RGS19: variants seen among roughly 807,000 people sequenced by gnomAD.
RGS19 encodes the protein regulator of G protein signaling 19, also known as G alpha interacting protein.
In RGS19, 9 loss-of-function variants were observed where a neutral mutation model predicts 22.0. The ratio of observed to expected loss-of-function variants is 0.41; its 90% CI spans 0.25 to 0.71. RGS19 has a LOEUF of 0.71. RGS19 is among the 30% of genes least tolerant of loss of function. The pLI is 0.32. For synonymous variants in RGS19, 130 were observed against 127.3 expected, an observed-to-expected ratio of 1.02 and a Z score of -0.14; for missense variants, 256 against 307.1, an observed-to-expected ratio of 0.83 and a Z score of 1.24.
At chr20:64,074,123 C>T (rs763626365) in intron 5 of RGS19, 21 bp downstream of exon 5, 1 of 1,608,204 alleles carries the variant, frequency 6.2e-7, no homozygotes, top group South Asian at 1.1e-5. Context: ...GGCCCCCGGC[C>T]TGTTCTGGTG....
At chr20:64,078,042 T>TC (rs1569263941) in intron 1 of RGS19, among the ~76,000 whole-genome samples, 1 of 152,040 alleles carries the variant, frequency 6.6e-6, no homozygotes, top group South Asian at 2.1e-4. Flanking sequence ...TCAATCTTCA[T>TC]CCCCCCGCCA....
At chr20:64,078,864 T>A (rs2059932661) in intron 1 of RGS19, among the ~76,000 whole-genome samples, 1 of 152,122 alleles carries the variant, frequency 6.6e-6, no homozygotes, top group Admixed American at 6.5e-5. Context: ...ATAGGCTGGA[T>A]AGGCGGCACG....
At chr20:64,077,060 G>A (rs2059911382) in intron 1 of RGS19, 106 bp from the exon 2 acceptor site, 1 of 582,250 alleles carries the variant, frequency 1.7e-6, no homozygotes, top group East Asian at 3.4e-5. Context: ...GCCTGCTCCT[G>A]CCTCTGGACC....
chr20:64,076,201 G>A (rs942437913), intron 3 of RGS19, among the ~76,000 whole-genome samples: 6 of 152,160 alleles, frequency 3.9e-5, no homozygotes, highest in African/African-American at 9.7e-5. Flanking sequence ...TTACTCCACC[G>A]CAGGCCCCCA....
At chr20:64,076,066 A>C (rs2059903060) in intron 3 of RGS19, among the ~76,000 whole-genome samples, 1 of 151,990 alleles carries the variant, frequency 6.6e-6, no homozygotes, top group South Asian at 2.1e-4. Flanking sequence ...TTTTTAGTAG[A>C]GACAGGGTTT....
rs2059900116 is a variant in RGS19 at position 64,075,758 on chromosome 20, G to A, written c.152+767C>T. On this transcript the variant is annotated intron_variant, in intron 3 of 5. Transcript: ENST00000395042. The surrounding 1 kb of genome is among the most constrained non-coding windows in gnomAD (Gnocchi z 4.6). ...CCGCCCCCTGCTCTTCTTCCCCCAC[G>A]CATGCTGTCCGGGAAGCTCTTGGCC... Among the ~76,000 whole-genome samples, 2 of 151,980 alleles carry A rather than the reference G, an allele frequency of 1.3e-5. No homozygotes were observed. The highest frequency in any genetic ancestry group is 2.9e-5 in the Non-Finnish European group (2 of 67,994).
Position 64,079,350 on chromosome 20 carries a change from C to T in RGS19, c.-125G>A, listed in dbSNP as rs2059938800. The T allele has an allele frequency of 6.6e-6, 1 of 152,220 alleles. No individual in the cohort carries two copies. The highest frequency in any genetic ancestry group is 1.9e-4 in the East Asian group (1 of 5,146). The allele number at this position is 152,220 out of a possible 1,614,324, so 9.4% of individuals were successfully genotyped here. On this transcript the variant is annotated 5_prime_UTR_variant, in exon 1 of 6. Transcript: ENST00000395042. The surrounding 1 kb of genome is among the most constrained non-coding windows in gnomAD (Gnocchi z 5.1). ...GGGCCAGGTTGGGTCTGGGCCCCAC[C>T]CTGGCTGCCGAAGGGGCGTGCACTG...
chr20:64,074,450 C>T lies in RGS19; in HGVS notation c.227+17G>A, dbSNP rs377283963. ...TGGGGCCCCCCCAGCACGCACACAC[C>T]AGCCGGCTGGACTCACCATACTTCA... is the stretch of plus-strand genomic sequence containing the variant. On this transcript the variant is annotated intron_variant, in intron 4 of 5. Transcript: ENST00000395042. 11 of 1,581,192 alleles carry T rather than the reference C, an allele frequency of 7.0e-6. No homozygotes were observed. The highest frequency in any genetic ancestry group is 8.6e-6 in the Non-Finnish European group (10 of 1,163,828).
In RGS19 at chr20:64,076,616, G is replaced by C. The variant is rs1178394774; in HGVS notation, c.61C>G (p.Pro21Ala). Residue 21 changes from proline to alanine, a missense_variant, in exon 3 of 6, where the codon CCT (proline) becomes GCT (alanine). Transcript: ENST00000395042. ...ITGPEEADRP[P>A]SMSSHDTASP... ...GCTGTATCATGACTGGACATTGAAG[G>C]GGGCCGGTCCGCCTCCTCTGGCCCT... 8.7e-6 allele frequency: 14 copies of C among 1,609,302 alleles called. No homozygotes were observed. Among genetic ancestry groups the C allele is most frequent in the Non-Finnish European group, 1.2e-5 (14 of 1,178,160 alleles).
In RGS19 at chr20:64,076,859, G is replaced by A. The variant is rs749086298; in HGVS notation, c.28C>T (p.Gln10Ter). Residue 10 changes from glutamine to a stop codon, truncating the protein, a stop_gained and splice_region_variant, in exon 2 of 6, where the codon CAG becomes TAG. Coordinates refer to ENST00000395042, the MANE Select transcript of RGS19 (RefSeq NM_005873.3). LOFTEE classifies it high-confidence loss of function. ...AGGCAGAGGGGGAGGTGGCATACCT[G>A]CTTCTCAGCCTCATGCGGGGTGGGC... Reference protein sequence around the residue: MPTPHEAEKQITGPEEADRP... With the variant: MPTPHEAEK The A allele has an allele frequency of 3.2e-6, 5 of 1,563,272 alleles. No homozygotes were observed. The highest frequency in any genetic ancestry group is 1.2e-5 in the South Asian group (1 of 84,040).
In RGS19 at chr20:64,073,968, G is replaced by A. The variant is rs377129073; in HGVS notation, c.539C>T (p.Ala180Val). Residue 180 changes from alanine (A) to valine (V), a missense_variant, in exon 6 of 6, where the codon GCG becomes GTG. Physicochemically the swap from Ala to Val is moderately conservative, Grantham distance 64 (BLOSUM62 0). Transcript: ENST00000395042. ...QEPSAHTFDD[A>V]QLQIYTLMHR... ...CATGAGCGTGTAGATCTGCAGCTGC[G>A]CGTCGTCGAACGTGTGTGCGGACGG... The A allele has an allele frequency of 3.1e-6, 5 of 1,605,264 alleles. No homozygotes were observed. Among genetic ancestry groups the A allele is most frequent in the African/African-American group, 1.3e-5 (1 of 74,450 alleles).
At position 64,075,474 on chromosome 20, in the gene RGS19, C is replaced by G. The variant is rs907876848; in HGVS notation, c.153-933G>C. Among the ~76,000 whole-genome samples, 7 of 152,230 alleles carry G rather than the reference C, an allele frequency of 4.6e-5. No homozygotes were observed. Among genetic ancestry groups the G allele is most frequent in the African/African-American group, 1.2e-4 (5 of 41,464 alleles). On this transcript the variant is annotated intron_variant, in intron 3 of 5. Coordinates refer to ENST00000395042, the MANE Select transcript of RGS19 (RefSeq NM_005873.3). This position sits in a 1 kb window ranked among gnomAD's most constrained non-coding sequence, Gnocchi z 4.6. ...GACATCGTGCACCCAAACGTCCTGACAGAACTAGGCCCCTGGGCTCCTCCC... is the reference window on the plus strand; with the variant it reads ...GACATCGTGCACCCAAACGTCCTGAGAGAACTAGGCCCCTGGGCTCCTCCC...
intron 3 of RGS19, 61 bp downstream of exon 3, chr20:64,076,464 G>A (rs1345765262): frequency 1.9e-6 from 3 of 1,599,782 alleles, no homozygotes; most frequent in Admixed American, 3.4e-5. Context: ...TCCCCTCCTG[G>A]GTCTGCTTGG....
At position 64,074,048 on chromosome 20, in the gene RGS19, C is replaced by T. The variant is rs1231022068; in HGVS notation, c.463-4G>A. On this transcript the variant is annotated splice_polypyrimidine_tract_variant and splice_region_variant and intron_variant, in intron 5 of 5. Transcript: ENST00000395042. ...GCACACGGGAGTCCAGGCTCACCTG[C>T]AGGACAAGACACTGAGGTCAGGGGG... 5 of 1,608,150 alleles carry T rather than the reference C, an allele frequency of 3.1e-6. No individual in the cohort carries two copies. Among genetic ancestry groups the T allele is most frequent in the Admixed American group, 3.3e-5 (2 of 59,818 alleles).
rs560044412 is a variant in RGS19, at chr20:64,074,581, C to G, written c.153-40G>C. On this transcript the variant is annotated intron_variant, in intron 3 of 5. Transcript: ENST00000395042. ...GAAGCAGCGCTGCCGTGGGCACACA[C>G]GCCTCCACGGCCACACAGGCCCTCA... The G allele has an allele frequency of 1.1e-5, 16 of 1,520,900 alleles. No homozygotes were observed. In the Admixed American group the frequency reaches 1.4e-4, roughly 13 times the overall value. 94.2% of individuals were successfully genotyped at this position (1,520,900 alleles called of 1,614,324 possible).
intron 1 of RGS19, among the ~76,000 whole-genome samples, chr20:64,077,544 G>A (rs376651822): frequency 6.6e-6 from 1 of 152,274 alleles, no homozygotes; most frequent in East Asian, 1.9e-4. Context: ...GGAGGGACAT[G>A]CCCCCCAAAC....
chr20:64,076,921 AC>A lies in RGS19; in HGVS notation c.-36del. ...GAGGAGGTTGCCCAGGCTCCGTGGT[AC>A]CAGCTCTCAGACCCTCACCACAGCC... On this transcript the variant is annotated 5_prime_UTR_variant, in exon 2 of 6. Transcript: ENST00000395042. 1 of 1,500,510 alleles carries A rather than the reference AC, an allele frequency of 6.7e-7. No individual in the cohort carries two copies. The highest frequency in any genetic ancestry group is 8.9e-7 in the Non-Finnish European group (1 of 1,129,250). 92.9% of individuals were successfully genotyped at this position (1,500,510 alleles called of 1,614,324 possible).
intron 1 of RGS19, among the ~76,000 whole-genome samples, chr20:64,077,514 G>C (rs889838188): frequency 1.3e-5 from 2 of 152,202 alleles, no homozygotes; most frequent in African/African-American, 4.8e-5. Context: ...GGTGTGGGAA[G>C]GGGGGCAGGG....
chr20:64,075,109 C>T lies in RGS19; in HGVS notation c.153-568G>A, dbSNP rs1164219658. The stretch of plus-strand genomic sequence containing the variant: ...GAACAGGGCCACCCATGGGAATGTG[C>T]CTGGGAACAGGGCCACCCATGGGAA... On this transcript the variant is annotated intron_variant, in intron 3 of 5. Coordinates refer to ENST00000395042, the MANE Select transcript of RGS19 (RefSeq NM_005873.3). This position sits in a 1 kb window ranked among gnomAD's most constrained non-coding sequence, Gnocchi z 4.6. 1.3e-5 allele frequency among the ~76,000 whole-genome samples: 2 copies of T among 151,590 alleles called. No individual in the cohort carries two copies. The highest frequency in any genetic ancestry group is 4.9e-5 in the African/African-American group (2 of 41,092).
Sources: allele counts gnomAD v4.1 joint callset (sites outside exome capture counted in the v4.1 genomes callset), GRCh38; gene constraint gnomAD v4.1.1; non-coding constraint Gnocchi (gnomAD v3.1); transcripts MANE v1.5; gene names NCBI Gene and HGNC (gene_info 2026-07-23, HGNC 2026-07-21).